LOXHD1: variants seen among roughly 807,000 people sequenced by gnomAD.
The protein encoded by LOXHD1 is lipoxygenase homology PLAT domains 1, also known as lipoxygenase homology domain-containing protein 1.
LOXHD1 carries 205 observed loss-of-function variants against 248.2 expected under a neutral mutation model. The ratio of observed to expected loss-of-function variants is 0.83; its 90% CI spans 0.74 to 0.93. LOXHD1 has a LOEUF of 0.93. LOXHD1 is among the 40% of genes least tolerant of loss of function. The probability of loss-of-function intolerance (pLI) is 0.00; values close to 1 mark genes in which losing one functional copy is unlikely to be tolerated. For synonymous variants in LOXHD1, 1,113 were observed against 1,162.8 expected (o/e 0.96, Z 0.87); for missense variants, 2,930 against 2,971.6 (o/e 0.99, Z 0.33).
intron 6 of LOXHD1, among the ~76,000 whole-genome samples, chr18:46,607,347 A>G (rs561326689): frequency 1.3e-5 from 2 of 150,144 alleles, no homozygotes; most frequent in East Asian, 3.9e-4. Context: ...ACATGTACAT[A>G]TACATACATA....
At chr18:46,526,856 G>A (rs561203072) in intron 29 of LOXHD1, among the ~76,000 whole-genome samples, 1 of 152,324 alleles carries the variant, frequency 6.6e-6, no homozygotes, top group South Asian at 2.1e-4. Context: ...TTATTTAGAA[G>A]GAAGACTCTG....
intron 38 of LOXHD1, 93 bp downstream of exon 38, chr18:46,488,879 C>T: frequency 7.3e-7 from 1 of 1,365,154 alleles, no homozygotes. Flanking sequence ...TTCCCTGTAT[C>T]TGGCACCTGA....
chr18:46,600,469 A>G (rs2038317280), intron 8 of LOXHD1, among the ~76,000 whole-genome samples: 1 of 152,086 alleles, frequency 6.6e-6, no homozygotes, highest in African/African-American at 2.4e-5. Context: ...ATGGTGGTGC[A>G]TGCCTGTAAT....
chr18:46,636,525 C>T (rs928146679), intron 4 of LOXHD1, among the ~76,000 whole-genome samples: 1 of 152,230 alleles, frequency 6.6e-6, no homozygotes, highest in Non-Finnish European at 1.5e-5. Context: ...CACCTCCCTT[C>T]CCTGAAGAGC....
At chr18:46,477,015 C>T, downstream of LOXHD1, 3 of 611,594 alleles carry the variant, frequency 4.9e-6, no homozygotes, top group Non-Finnish European at 8.8e-6. Flanking sequence ...AAAGTATACA[C>T]TTCTTAGCAA....
At position 46,614,096 on chromosome 18, in the gene LOXHD1, T is replaced by C. The variant is rs547464145; in HGVS notation, c.611-3172A>G. Among the ~76,000 whole-genome samples the C allele has an allele frequency of 1.1e-4, 17 of 152,262 alleles. No homozygotes were observed. In the Middle Eastern group the frequency reaches 0.01, roughly 92 times the overall value. Reference sequence around the variant, plus strand: ...AAGTGCTGGAGAGGATGTGGAGAAATAGGAACACTTTTACACTGTTGGTGG... The same window carrying C: ...AAGTGCTGGAGAGGATGTGGAGAAACAGGAACACTTTTACACTGTTGGTGG... On this transcript the variant is annotated intron_variant, in intron 5 of 40. Transcript: ENST00000642948.
chr18:46,534,656 C>T (rs1471569213), intron 26 of LOXHD1, among the ~76,000 whole-genome samples: 3 of 152,308 alleles, frequency 2.0e-5, no homozygotes, highest in Admixed American at 6.5e-5. Flanking sequence ...TTAAAGTCAG[C>T]CTTGACTCCA....
At chr18:46,594,206 C>A (rs2038221926) in intron 9 of LOXHD1, 125 bp downstream of exon 9, 1 of 1,298,542 alleles carries the variant, frequency 7.7e-7, no homozygotes, top group Admixed American at 2.4e-5. Context: ...TTTTTCCTTC[C>A]TTTCTGGAGG....
At chr18:46,635,580 G>A (rs2038882807) in intron 4 of LOXHD1, among the ~76,000 whole-genome samples, 1 of 152,096 alleles carries the variant, frequency 6.6e-6, no homozygotes, top group Non-Finnish European at 1.5e-5. Flanking sequence ...ATCAAGGCTG[G>A]TATTGTTTAC....
intron 2 of LOXHD1, among the ~76,000 whole-genome samples, chr18:46,644,729 GA>G (rs78669436): frequency 0.02 from 2,849 of 142,620 alleles, 67 homozygotes; most frequent in Admixed American, 0.055. Context: ...CTCTAAAAAA[GA>G]AAAAAAAAAA....
chr18:46,509,803 C>G lies in LOXHD1; in HGVS notation c.5412G>C (p.Glu1804Asp). Residue 1804 changes from glutamate (E) to aspartate (D), a missense_variant, in exon 35 of 41, where the codon GAG becomes GAC. Physicochemically the swap from Glu to Asp is conservative, Grantham distance 45 (BLOSUM62 2). Coordinates refer to ENST00000642948, the MANE Select transcript of LOXHD1 (RefSeq NM_001384474.1). The part of the protein sequence containing the change: ...LDKKKARFER[E>D]QNDTFIMEIL... ...TCTCCATGATGAAGGTGTCGTTCTG[C>G]TCCCGCTCAAACCTGGGGGTGGAGA... 1 of 1,549,330 alleles carries G rather than the reference C, an allele frequency of 6.5e-7. No homozygotes were observed. The highest frequency in any genetic ancestry group is 1.4e-5 in the African/African-American group (1 of 72,998).
At chr18:46,565,144 G>T (rs1243982711) in intron 17 of LOXHD1, among the ~76,000 whole-genome samples, 1 of 152,044 alleles carries the variant, frequency 6.6e-6, no homozygotes, top group Non-Finnish European at 1.5e-5. Flanking sequence ...TACACCTGTA[G>T]TCCCAGCTAC....
At chr18:46,642,916 C>T (rs988494541) in intron 2 of LOXHD1, among the ~76,000 whole-genome samples, 27 of 152,296 alleles carry the variant, frequency 1.8e-4, no homozygotes, top group African/African-American at 5.1e-4. Flanking sequence ...GCGCTCTCAG[C>T]CAGGACTCTC....
At chr18:46,543,226 TC>T (rs2036641637) in intron 23 of LOXHD1, among the ~76,000 whole-genome samples, 2 of 152,262 alleles carry the variant, frequency 1.3e-5, no homozygotes, top group South Asian at 2.1e-4. Flanking sequence ...TGTTTTTGCA[TC>T]CTCATAGCTT....
intron 14 of LOXHD1, among the ~76,000 whole-genome samples, chr18:46,573,661 TCTG>T (rs1020671899): frequency 3.3e-5 from 5 of 151,954 alleles, no homozygotes; most frequent in Admixed American, 6.6e-5. Context: ...TGCAATACTC[TCTG>T]CTAATAGACC....
chr18:46,621,129 T>G (rs1481308768), intron 4 of LOXHD1, among the ~76,000 whole-genome samples: 1 of 152,112 alleles, frequency 6.6e-6, no homozygotes, highest in Admixed American at 6.5e-5. Flanking sequence ...CAGACTGTCT[T>G]CTAGCCTCTG....
intron 20 of LOXHD1, 39 bp downstream of exon 20, chr18:46,559,409 C>T (rs1426056856): frequency 1.3e-6 from 2 of 1,551,748 alleles, no homozygotes; most frequent in East Asian, 2.4e-5. Flanking sequence ...GGCACCAAAC[C>T]CACAGCCCCC....
chr18:46,565,615 T>G (rs1428546321), intron 17 of LOXHD1, among the ~76,000 whole-genome samples: 4 of 152,206 alleles, frequency 2.6e-5, no homozygotes, highest in African/African-American at 7.2e-5. Context: ...AATCTGAGGA[T>G]GCTCAAGCCC....
chr18:46,614,632 C>T (rs967068341), intron 5 of LOXHD1, among the ~76,000 whole-genome samples: 8 of 151,878 alleles, frequency 5.3e-5, no homozygotes, highest in Non-Finnish European at 8.8e-5. Context: ...GATGAGTTAA[C>T]GGGTGCAGCA....
Sources: allele counts gnomAD v4.1 joint callset (sites outside exome capture counted in the v4.1 genomes callset), GRCh38; gene constraint gnomAD v4.1.1; transcripts MANE v1.5; gene names NCBI Gene and HGNC (gene_info 2026-07-23, HGNC 2026-07-21).